Variants in DNAL4 observed in about 807,000 individuals in gnomAD.
The protein encoded by DNAL4 is dynein light chain, outer arm 4.
A neutral mutation model predicts 12.6 loss-of-function variants in DNAL4; 10 were observed. The observed-to-expected ratio is 0.79, with a 90% CI of 0.49 to 1.34. DNAL4 has a LOEUF of 1.34. Among genes scored for constraint, DNAL4 ranks in the 40% most tolerant of loss-of-function variants. The pLI is 0.00. For synonymous variants in DNAL4, 46 were observed against 53.1 expected (o/e 0.87, Z 0.58); for missense variants, 128 against 138.1 (o/e 0.93, Z 0.37).
rs1056177253 is a variant in DNAL4 at position 38,787,188 on chromosome 22, C to A, written c.-139-4318G>T. Reference sequence around the variant, plus strand: ...ATTCACATCTTGGTTCTGTTTTAGACAAGGGCTTACCTCCCTAAGCCTCAG... The same window carrying A: ...ATTCACATCTTGGTTCTGTTTTAGAAAAGGGCTTACCTCCCTAAGCCTCAG... On this transcript the variant is annotated intron_variant, in intron 1 of 3. Coordinates refer to ENST00000216068, the MANE Select transcript of DNAL4 (RefSeq NM_005740.3). Among the ~76,000 whole-genome samples the A allele has an allele frequency of 2.0e-4, 30 of 152,024 alleles. 1 individual carries two copies. The highest frequency in any genetic ancestry group is 7.2e-4 in the African/African-American group (30 of 41,400).
At chr22:38,780,857 C>G in intron 3 of DNAL4, 69 bp downstream of exon 3, 4 of 1,521,296 alleles carry the variant, frequency 2.6e-6, no homozygotes, top group Non-Finnish European at 1.8e-6. Context: ...CTGCAGGGAA[C>G]AGGGGCCACT....
At position 38,782,862 on chromosome 22, in the gene DNAL4, C is replaced by T. The variant is rs910313882; in HGVS notation, c.-131G>A. On this transcript the variant is annotated 5_prime_UTR_variant, in exon 2 of 4. Transcript: ENST00000216068. The surrounding 1 kb of genome is among the most constrained non-coding windows in gnomAD (Gnocchi z 5.1). ...GGTGGGAGCAGAAAATGTCTTTCCC[C>T]GGGGGGTGCTGCAGAAAACAGGAGA... 18 of 788,516 alleles carry T rather than the reference C, an allele frequency of 2.3e-5. No individual in the cohort carries two copies. The highest frequency in any genetic ancestry group is 1.5e-4 in the East Asian group (5 of 32,750). The allele number at this position is 788,516 out of a possible 1,614,324, so 48.8% of individuals were successfully genotyped here.
chr22:38,779,674 C>T lies in DNAL4; in HGVS notation c.154-61G>A. ...GGCAGGTGGGGGCAGGAGTCAGGTCCTTCTCCAGGAAGGAGAAGGCTGGCA... is the reference window on the plus strand; with the variant it reads ...GGCAGGTGGGGGCAGGAGTCAGGTCTTTCTCCAGGAAGGAGAAGGCTGGCA... On this transcript the variant is annotated intron_variant, in intron 3 of 3. Coordinates refer to ENST00000216068, the MANE Select transcript of DNAL4 (RefSeq NM_005740.3). This position sits in a 1 kb window ranked among gnomAD's most constrained non-coding sequence, Gnocchi z 4.3. 6.5e-7 allele frequency: 1 copy of T among 1,530,400 alleles called. No individual in the cohort carries two copies. The highest frequency in any genetic ancestry group is 1.4e-5 in the African/African-American group (1 of 72,858). The allele number at this position is 1,530,400 out of a possible 1,614,324, so 94.8% of individuals were successfully genotyped here.
At chr22:38,780,758 G>A (rs1348055215) in intron 3 of DNAL4, 168 bp downstream of exon 3, 9 of 661,230 alleles carry the variant, frequency 1.4e-5, no homozygotes, top group Admixed American at 2.9e-5. Context: ...CCTGGAGTCA[G>A]CGCCAGCCTC....
At position 38,782,513 on chromosome 22, in the gene DNAL4, C is replaced by T. The variant is rs147441963; in HGVS notation, c.69+150G>A. 623 of 710,284 alleles carry T rather than the reference C, an allele frequency of 8.8e-4. No homozygotes were observed. Among genetic ancestry groups the T allele is most frequent in the Non-Finnish European group, 1.3e-3 (557 of 426,218 alleles). The allele number at this position is 710,284 out of a possible 1,614,324, so 44.0% of individuals were successfully genotyped here. On this transcript the variant is annotated intron_variant, in intron 2 of 3. Coordinates refer to ENST00000216068, the MANE Select transcript of DNAL4 (RefSeq NM_005740.3). This position sits in a 1 kb window ranked among gnomAD's most constrained non-coding sequence, Gnocchi z 5.1. ...TGAATGAATGAATGAAACAATGAAT[C>T]ACTGTCAACTCCAAGATGTCTAGGT...
chr22:38,786,123 C>T (rs887078659), intron 1 of DNAL4: 7 of 152,206 alleles, frequency 4.6e-5, no homozygotes, highest in Admixed American at 6.5e-5. Context: ...CAGCCACAGT[C>T]CTAAAACTCT....
At chr22:38,785,301 A>C (rs1256658990) in intron 1 of DNAL4, 3 of 152,212 alleles carry the variant, frequency 2.0e-5, no homozygotes, top group Admixed American at 2.0e-4. Flanking sequence ...TGATGACAGA[A>C]GGAAAAGGGC....
intron 1 of DNAL4, among the ~76,000 whole-genome samples, chr22:38,784,772 G>T (rs1009582406): frequency 6.6e-6 from 1 of 152,098 alleles, no homozygotes; most frequent in Admixed American, 6.5e-5. Flanking sequence ...CTCAGCCTCC[G>T]AAAGTGCTGG....
rs2093031322 is a variant in DNAL4, at chr22:38,779,681, A to C, written c.154-68T>G. 6.6e-7 allele frequency: 1 copy of C among 1,507,808 alleles called. No homozygotes were observed. The allele number at this position is 1,507,808 out of a possible 1,614,324, so 93.4% of individuals were successfully genotyped here. A position where few individuals can be genotyped will look rare whatever the true frequency, so the allele number is the denominator to read the frequency against. ...GGGGGCAGGAGTCAGGTCCTTCTCC[A>C]GGAAGGAGAAGGCTGGCACTGAGGT... On this transcript the variant is annotated intron_variant, in intron 3 of 3. Transcript: ENST00000216068. The surrounding 1 kb of genome is among the most constrained non-coding windows in gnomAD (Gnocchi z 4.3).
At chr22:38,784,715 G>A (rs1429313410) in intron 1 of DNAL4, among the ~76,000 whole-genome samples, 2 of 152,002 alleles carry the variant, frequency 1.3e-5, no homozygotes, top group African/African-American at 2.4e-5. Context: ...GGGTTTCACC[G>A]TGTTAGCCAG....
Position 38,783,333 on chromosome 22 carries a change from C to CACGCGGGCCTTCCCTCCCACTACAT in DNAL4, c.-139-488_-139-464dup, listed in dbSNP as rs1371691091. Among the ~76,000 whole-genome samples the CACGCGGGCCTTCCCTCCCACTACAT allele has an allele frequency of 9.0e-5, 13 of 145,090 alleles. No homozygotes were observed. In the South Asian group the frequency reaches 1.3e-3, roughly 15 times the overall value. ...CACACGGGCCTTCCCTCCCACTACACACGCGGGCCTTCCCTCCCACTACAT... is the reference window on the plus strand; with the variant it reads ...CACACGGGCCTTCCCTCCCACTACACACGCGGGCCTTCCCTCCCACTACATACGCGGGCCTTCCCTCCCACTACAT... On this transcript the variant is annotated intron_variant, in intron 1 of 3. Transcript: ENST00000216068.
intron 1 of DNAL4, among the ~76,000 whole-genome samples, chr22:38,790,518 A>C (rs570765054): frequency 1.8e-4 from 28 of 152,220 alleles, no homozygotes; most frequent in Non-Finnish European, 4.0e-4. Flanking sequence ...GTTTCATTTC[A>C]GAGCTGCAAA....
chr22:38,786,572 A>G, intron 1 of DNAL4, among the ~76,000 whole-genome samples: 1 of 152,140 alleles, frequency 6.6e-6, no homozygotes, highest in East Asian at 1.9e-4. Flanking sequence ...ACAAAACAAA[A>G]CAAAACAAAA....
rs570176102 is a variant in DNAL4 at position 38,780,454 on chromosome 22, C to T, written c.153+472G>A. Among the ~76,000 whole-genome samples the T allele has an allele frequency of 6.3e-4, 96 of 152,334 alleles. 1 individual carries two copies. The highest frequency in any genetic ancestry group is 2.2e-3 in the African/African-American group (92 of 41,578). ...ACTGGCCAGTGTCTTGCCTCCCCACCGGCTGCCGCAACACTGACTTCTCGC... is the reference window on the plus strand; with the variant it reads ...ACTGGCCAGTGTCTTGCCTCCCCACTGGCTGCCGCAACACTGACTTCTCGC... On this transcript the variant is annotated intron_variant, in intron 3 of 3. Coordinates refer to ENST00000216068, the MANE Select transcript of DNAL4 (RefSeq NM_005740.3).
chr22:38,790,349 A>G (rs948311060), intron 1 of DNAL4, among the ~76,000 whole-genome samples: 1 of 152,158 alleles, frequency 6.6e-6, no homozygotes, highest in Non-Finnish European at 1.5e-5. Context: ...TCAGGAATGG[A>G]GACGATGTGA....
At chr22:38,781,813 G>T (rs1448057066) in intron 2 of DNAL4, among the ~76,000 whole-genome samples, 2 of 152,086 alleles carry the variant, frequency 1.3e-5, no homozygotes, top group Non-Finnish European at 2.9e-5. Context: ...CTGCACTCAC[G>T]GAACACCCTA....
chr22:38,782,375 T>A lies in DNAL4; in HGVS notation c.69+288A>T, dbSNP rs780430435. Among the ~76,000 whole-genome samples the A allele has an allele frequency of 6.6e-6, 1 of 152,252 alleles. No homozygotes were observed. Among genetic ancestry groups the A allele is most frequent in the African/African-American group, 2.4e-5 (1 of 41,460 alleles). ...TTATAGTACTTACTGCCTACGATCA[T>A]GTTCTTAAAACATGTATTTCATGTG... On this transcript the variant is annotated intron_variant, in intron 2 of 3. Transcript: ENST00000216068. This position sits in a 1 kb window ranked among gnomAD's most constrained non-coding sequence, Gnocchi z 5.1.
In DNAL4 at chr22:38,782,981, A is replaced by C; in HGVS notation, c.-139-111T>G. The stretch of plus-strand genomic sequence containing the variant: ...CACCTCCCCATCTTAACTCCTCCGC[A>C]CCCTTTTCCAAATGGCCAGCAAGTC... On this transcript the variant is annotated intron_variant, in intron 1 of 3. Transcript: ENST00000216068. This position sits in a 1 kb window ranked among gnomAD's most constrained non-coding sequence, Gnocchi z 5.1. The C allele has an allele frequency of 5.3e-6, 2 of 378,454 alleles. No homozygotes were observed. The highest frequency in any genetic ancestry group is 9.5e-6 in the Non-Finnish European group (2 of 211,462). The allele number at this position is 378,454 out of a possible 1,614,324, so 23.4% of individuals were successfully genotyped here. A position where few individuals can be genotyped will look rare whatever the true frequency, so the allele number is the denominator to read the frequency against.
Position 38,782,573 on chromosome 22 carries a change from C to T in DNAL4, c.69+90G>A. ...CAGAGCCCTTCTTAACTTCCTCCCA[C>T]TGCCATCCTGCAAGGGACAAGCTCC... On this transcript the variant is annotated intron_variant, in intron 2 of 3. Coordinates refer to ENST00000216068, the MANE Select transcript of DNAL4 (RefSeq NM_005740.3). The surrounding 1 kb of genome is among the most constrained non-coding windows in gnomAD (Gnocchi z 5.1). The T allele has an allele frequency of 7.3e-7, 1 of 1,368,750 alleles. No homozygotes were observed. Among genetic ancestry groups the T allele is most frequent in the Non-Finnish European group, 1.0e-6 (1 of 979,586 alleles). 84.8% of individuals were successfully genotyped at this position (1,368,750 alleles called of 1,614,324 possible). A position where few individuals can be genotyped will look rare whatever the true frequency, so the allele number is the denominator to read the frequency against.
Sources: gnomAD v4.1 joint callset for allele counts (sites outside exome capture counted in the v4.1 genomes callset) on GRCh38, gnomAD v4.1.1 for gene constraint, Gnocchi (gnomAD v3.1) non-coding constraint, MANE v1.5 for transcripts, NCBI Gene and HGNC (gene_info 2026-07-23, HGNC 2026-07-21) for gene names.